The following MTDH variants were observed in gnomAD, a reference collection of about 807,000 sequenced individuals.
The protein encoded by MTDH is metadherin.
Under a neutral mutation model 72.7 loss-of-function variants are expected in MTDH, and 34 were observed. The ratio of observed to expected loss-of-function variants is 0.47; its 90% CI spans 0.36 to 0.62. The LOEUF (loss-of-function observed/expected upper bound fraction) is 0.62. MTDH is among the 20% of genes least tolerant of loss of function. The pLI, the probability that MTDH is intolerant of heterozygous loss-of-function variation, is 0.00. For synonymous variants in MTDH, 266 were observed against 268.9 expected (o/e 0.99, Z 0.10); for missense variants, 677 against 699.4 (o/e 0.97, Z 0.36).
Position 97,728,754 on chromosome 8 carries a change from C to T in MTDH, c.*4084C>T, listed in dbSNP as rs1434594457. ...CTGAGCAATAGAGAGACCCCCATCT[C>T]GACAAAAAAAAAAAAAAAAAATTAG... is the stretch of plus-strand genomic sequence containing the variant. On this transcript the variant is annotated 3_prime_UTR_variant, in exon 12 of 12. Coordinates refer to ENST00000336273, the MANE Select transcript of MTDH (RefSeq NM_178812.4). 7.5e-5 allele frequency: 8 copies of T among 106,392 alleles called. No individual in the cohort carries two copies. Among genetic ancestry groups the T allele is most frequent in the Admixed American group, 4.6e-4 (4 of 8,642 alleles). 6.6% of individuals were successfully genotyped at this position (106,392 alleles called of 1,614,324 possible).
rs560920116 is a variant in MTDH, at chr8:97,712,107, G to A, written c.1273-1555G>A. Among the ~76,000 whole-genome samples, 50 of 152,216 alleles carry A rather than the reference G, an allele frequency of 3.3e-4. No individual in the cohort carries two copies. In the South Asian group the frequency reaches 0.01, roughly 32 times the overall value. Reference sequence around the variant, plus strand: ...GGCTGGAGTGCAGTGGCATGATCTCGGCTCACTGCAACCTCCACCTCCCAG... The same window carrying A: ...GGCTGGAGTGCAGTGGCATGATCTCAGCTCACTGCAACCTCCACCTCCCAG... On this transcript the variant is annotated intron_variant, in intron 8 of 11. Transcript: ENST00000336273.
intron 6 of MTDH, among the ~76,000 whole-genome samples, chr8:97,695,065 T>G (rs1813777296): frequency 6.6e-6 from 1 of 151,964 alleles, no homozygotes; most frequent in Non-Finnish European, 1.5e-5. Flanking sequence ...TTAGGAACCG[T>G]GTGACCTTTT....
At position 97,724,997 on chromosome 8, in the gene MTDH, G is replaced by T. The variant is rs75718453; in HGVS notation, c.*327G>T. On this transcript the variant is annotated 3_prime_UTR_variant, in exon 12 of 12. Coordinates refer to ENST00000336273, the MANE Select transcript of MTDH (RefSeq NM_178812.4). ...GTGCCCTATCTCATCTGCAGCCGAGGAATAAAGGATTCTGATTAGAAAGAG... is the reference window on the plus strand; with the variant it reads ...GTGCCCTATCTCATCTGCAGCCGAGTAATAAAGGATTCTGATTAGAAAGAG... 5,351 of 170,928 alleles carry T rather than the reference G, an allele frequency of 0.031. 281 individuals carry two copies. The highest frequency in any genetic ancestry group is 0.12 in the African/African-American group (5,000 of 42,076). 10.6% of individuals were successfully genotyped at this position (170,928 alleles called of 1,614,324 possible).
At chr8:97,711,214 T>C (rs966706988) in intron 8 of MTDH, among the ~76,000 whole-genome samples, 6 of 146,844 alleles carry the variant, frequency 4.1e-5, no homozygotes, top group Admixed American at 1.3e-4. Flanking sequence ...AGAAATAATA[T>C]AGGCCAGGCA....
At chr8:97,664,857 C>G (rs779162628) in intron 2 of MTDH, among the ~76,000 whole-genome samples, 8 of 151,946 alleles carry the variant, frequency 5.3e-5, no homozygotes, top group South Asian at 2.1e-4. Context: ...CGCCTCCCAG[C>G]TCAAACAATT....
intron 1 of MTDH, among the ~76,000 whole-genome samples, chr8:97,653,016 G>A (rs575850886): frequency 1.3e-5 from 2 of 152,114 alleles, no homozygotes; most frequent in African/African-American, 4.8e-5. Flanking sequence ...CTACTCAGGA[G>A]GCTGAGACAG....
At chr8:97,697,150 A>ATATATTTTTTT in intron 6 of MTDH, among the ~76,000 whole-genome samples, 26 of 68,772 alleles carry the variant, frequency 3.8e-4, no homozygotes, top group African/African-American at 1.9e-3. Context: ...ATATATATAT[A>ATATATTTTTTT]TTTTTTTTTT....
intron 2 of MTDH, among the ~76,000 whole-genome samples, chr8:97,685,429 G>C (rs1357977331): frequency 1.3e-5 from 2 of 152,054 alleles, no homozygotes; most frequent in African/African-American, 4.8e-5. Context: ...ATATATGCAG[G>C]TTTTTTATTG....
intron 2 of MTDH, among the ~76,000 whole-genome samples, chr8:97,672,299 T>TC (rs1018662756): frequency 6.6e-5 from 10 of 152,162 alleles, no homozygotes; most frequent in Admixed American, 2.6e-4. Context: ...GCTCTTTTTT[T>TC]CCCCCTTCCT....
At chr8:97,668,264 G>A (rs1427750651) in intron 2 of MTDH, among the ~76,000 whole-genome samples, 1 of 152,068 alleles carries the variant, frequency 6.6e-6, no homozygotes, top group Non-Finnish European at 1.5e-5. Context: ...TCCAGCCTGG[G>A]CGACAAAGCT....
At chr8:97,654,500 A>G (rs1207810371) in intron 1 of MTDH, among the ~76,000 whole-genome samples, 2 of 152,066 alleles carry the variant, frequency 1.3e-5, no homozygotes, top group African/African-American at 4.8e-5. Context: ...CTTATAGTCT[A>G]ACTTATCAAC....
intron 2 of MTDH, among the ~76,000 whole-genome samples, chr8:97,679,817 T>C (rs1237841366): frequency 6.6e-6 from 1 of 152,096 alleles, no homozygotes; most frequent in Non-Finnish European, 1.5e-5. Flanking sequence ...AGCAGACCCC[T>C]TTATCTGGCA....
chr8:97,721,586 A>G (rs1355633622), intron 10 of MTDH, among the ~76,000 whole-genome samples: 1 of 152,224 alleles, frequency 6.6e-6, no homozygotes, highest in African/African-American at 2.4e-5. Context: ...TAGGGGCAAG[A>G]GAAGCATTAC....
At chr8:97,724,576 C>A in intron 11 of MTDH, 24 bp from the exon 12 acceptor site, 2 of 1,543,488 alleles carry the variant, frequency 1.3e-6, no homozygotes, top group South Asian at 1.2e-5. Context: ...TTTTTTTCTT[C>A]GTTTTCCCCC....
intron 6 of MTDH, among the ~76,000 whole-genome samples, chr8:97,698,300 A>ATG (rs959203010): frequency 6.6e-6 from 1 of 152,194 alleles, no homozygotes; most frequent in Non-Finnish European, 1.5e-5. Context: ...GAAGGGGTGT[A>ATG]TGTGTGTGTG....
intron 1 of MTDH, among the ~76,000 whole-genome samples, chr8:97,653,420 C>A (rs200965449): frequency 6.6e-6 from 1 of 152,156 alleles, no homozygotes; most frequent in Non-Finnish European, 1.5e-5. Flanking sequence ...TTTAAAATTT[C>A]GAGTCAGAAG....
chr8:97,714,646 T>G (rs1814781341), intron 9 of MTDH, among the ~76,000 whole-genome samples: 1 of 152,098 alleles, frequency 6.6e-6, no homozygotes, highest in Admixed American at 6.6e-5. Context: ...TGTATCAGAT[T>G]ATTAGAAACA....
intron 2 of MTDH, among the ~76,000 whole-genome samples, chr8:97,661,431 T>C (rs1489237612): frequency 6.6e-6 from 1 of 152,208 alleles, no homozygotes; most frequent in Non-Finnish European, 1.5e-5. Context: ...AACAATTCAT[T>C]CACAACTTGA....
intron 11 of MTDH, among the ~76,000 whole-genome samples, chr8:97,723,866 G>A (rs992974736): frequency 6.6e-6 from 1 of 152,144 alleles, no homozygotes; most frequent in African/African-American, 2.4e-5. Context: ...CGAGCACTTT[G>A]GGAGGCTGAG....
Sources: allele counts gnomAD v4.1 joint callset (sites outside exome capture counted in the v4.1 genomes callset), GRCh38; gene constraint gnomAD v4.1.1; transcripts MANE v1.5; gene names NCBI Gene and HGNC (gene_info 2026-07-23, HGNC 2026-07-21).